The following MIPEP variants were observed in gnomAD, a reference collection of about 807,000 sequenced individuals.
MIPEP encodes mitochondrial intermediate peptidase.
Under a neutral mutation model 90.3 loss-of-function variants are expected in MIPEP, and 79 were observed. The ratio of observed to expected loss-of-function variants is 0.87; its 90% confidence interval spans 0.73 to 1.05. The LOEUF (loss-of-function observed/expected upper bound fraction) is 1.05. Ranked by LOEUF, MIPEP falls within the 50% of genes least tolerant of loss-of-function variation. The pLI, the probability that MIPEP is intolerant of heterozygous loss-of-function variation, is 0.00. For missense variants in MIPEP, 940 were observed against 905.6 expected (o/e 1.04, Z -0.49); for synonymous variants, 334 against 315.8 (o/e 1.06, Z -0.61).
intron 8 of MIPEP, among the ~76,000 whole-genome samples, chr13:23,863,172 GAA>G (rs761501422): frequency 1.3e-4 from 20 of 152,178 alleles, no homozygotes; most frequent in Non-Finnish European, 2.8e-4. Context: ...CATTACAAGA[GAA>G]AAAGAGAAAA....
chr13:23,780,496 G>T (rs1016699855), intron 16 of MIPEP, among the ~76,000 whole-genome samples: 14 of 152,158 alleles, frequency 9.2e-5, no homozygotes, highest in African/African-American at 3.1e-4. Flanking sequence ...AAACCACAAA[G>T]ATGAGGAAAA....
At chr13:23,785,246 C>T (rs1952825774) in intron 16 of MIPEP, among the ~76,000 whole-genome samples, 1 of 152,162 alleles carries the variant, frequency 6.6e-6, no homozygotes, top group East Asian at 1.9e-4. Flanking sequence ...ACCCAAATGT[C>T]CAACAATGAT....
rs758629053 is a variant in MIPEP, at chr13:23,760,125, C to T, written c.1941G>A (p.Lys647=). The change falls in exon 17 of 19, where the codon AAG becomes AAA. Residue 647 remains lysine (K), a synonymous_variant. Coordinates refer to ENST00000382172, the MANE Select transcript of MIPEP (RefSeq NM_005932.4). ...TGAAAGGATCCTGTAGAAAACACTC[C>T]TTCCAAACCATGGAGGCGACCGCTC... ...MSRAVASMVW[K]ECFLQDPFNR... is the part of the protein sequence containing the mutation. The T allele has an allele frequency of 1.9e-6, 3 of 1,614,160 alleles. No individual in the cohort carries two copies. In the South Asian group the frequency reaches 3.3e-5, roughly 18 times the overall value.
chr13:23,875,880 T>G (rs879388621), intron 4 of MIPEP, among the ~76,000 whole-genome samples: 1 of 152,184 alleles, frequency 6.6e-6, no homozygotes, highest in Admixed American at 6.5e-5. Flanking sequence ...TGTATATACT[T>G]TTGTATCTTG....
At chr13:23,749,307 T>C (rs1000823929) in intron 18 of MIPEP, among the ~76,000 whole-genome samples, 10 of 152,164 alleles carry the variant, frequency 6.6e-5, no homozygotes, top group Non-Finnish European at 1.0e-4. Context: ...ATAACACCAA[T>C]AGCAAAGCCT....
intron 7 of MIPEP, among the ~76,000 whole-genome samples, chr13:23,865,219 T>C (rs1870480378): frequency 6.6e-6 from 1 of 152,234 alleles, no homozygotes; most frequent in Non-Finnish European, 1.5e-5. Flanking sequence ...GTACAGAGCT[T>C]TCATATGTAT....
intron 9 of MIPEP, among the ~76,000 whole-genome samples, chr13:23,859,515 C>A (rs1870197094): frequency 6.6e-6 from 1 of 152,110 alleles, no homozygotes; most frequent in Non-Finnish European, 1.5e-5. Context: ...TTCTAGGTGT[C>A]CAGGTGGACA....
intron 7 of MIPEP, among the ~76,000 whole-genome samples, chr13:23,864,494 G>A (rs868844362): frequency 6.6e-6 from 1 of 152,210 alleles, no homozygotes; most frequent in Middle Eastern, 3.4e-3. Flanking sequence ...TACTTTGGGA[G>A]GCTGAGGGCA....
chr13:23,810,057 T>C (rs1953155073), intron 14 of MIPEP, 133 bp from the exon 15 acceptor site: 1 of 518,290 alleles, frequency 1.9e-6, no homozygotes, highest in African/African-American at 2.0e-5. Context: ...TTAAAAATAA[T>C]AACTTTAAAT....
intron 4 of MIPEP, 98 bp from the exon 5 acceptor site, chr13:23,875,007 A>G: frequency 3.5e-6 from 3 of 866,854 alleles, no homozygotes; most frequent in Non-Finnish European, 5.2e-6. Flanking sequence ...TTTCAGCCTC[A>G]CTGCCAAAAG....
intron 1 of MIPEP, among the ~76,000 whole-genome samples, chr13:23,886,980 A>C (rs766634987): frequency 6.6e-6 from 1 of 152,170 alleles, no homozygotes; most frequent in Non-Finnish European, 1.5e-5. Flanking sequence ...GAATGACGAT[A>C]CATACCTTAC....
intron 4 of MIPEP, among the ~76,000 whole-genome samples, chr13:23,876,564 A>C (rs891856465): frequency 1.3e-5 from 2 of 151,496 alleles, no homozygotes; most frequent in African/African-American, 4.8e-5. Context: ...TCACAAACAG[A>C]ATCTTTTGCC....
intron 10 of MIPEP, among the ~76,000 whole-genome samples, chr13:23,850,938 A>G (rs947842413): frequency 6.6e-6 from 1 of 152,214 alleles, no homozygotes; most frequent in African/African-American, 2.4e-5. Context: ...AGGAATGAAA[A>G]CCTAGTGAGA....
intron 16 of MIPEP, among the ~76,000 whole-genome samples, chr13:23,800,724 A>G (rs1299230675): frequency 4.6e-5 from 7 of 152,240 alleles, no homozygotes; most frequent in Non-Finnish European, 1.0e-4. Context: ...CCTATTAAAT[A>G]GTTACAGTCA....
At chr13:23,740,833 G>A (rs1952319676) in intron 18 of MIPEP, among the ~76,000 whole-genome samples, 1 of 152,234 alleles carries the variant, frequency 6.6e-6, no homozygotes, top group Non-Finnish European at 1.5e-5. Flanking sequence ...GATGCACAGA[G>A]GGACTGCCCT....
chr13:23,848,995 G>A (rs989631869), intron 10 of MIPEP, among the ~76,000 whole-genome samples: 1 of 152,176 alleles, frequency 6.6e-6, no homozygotes, highest in African/African-American at 2.4e-5. Flanking sequence ...CAGTCAGGAG[G>A]GCGTGACTGC....
chr13:23,876,408 C>T (rs187925316), intron 4 of MIPEP, among the ~76,000 whole-genome samples: 15 of 152,218 alleles, frequency 9.9e-5, no homozygotes, highest in African/African-American at 3.6e-4. Flanking sequence ...TTTAGTGAGC[C>T]CTGAAGCCAA....
chr13:23,835,736 G>A (rs1406968062), intron 14 of MIPEP, among the ~76,000 whole-genome samples: 2 of 152,168 alleles, frequency 1.3e-5, no homozygotes, highest in Non-Finnish European at 2.9e-5. Flanking sequence ...ATATTAGAAT[G>A]CATCATTGAA....
At chr13:23,818,766 A>G (rs1953272541) in intron 14 of MIPEP, among the ~76,000 whole-genome samples, 1 of 152,230 alleles carries the variant, frequency 6.6e-6, no homozygotes, top group East Asian at 1.9e-4. Flanking sequence ...TTCATTATGT[A>G]TGGAGAAATC....
Sources: allele counts gnomAD v4.1 joint callset (sites outside exome capture counted in the v4.1 genomes callset), GRCh38; gene constraint gnomAD v4.1.1; transcripts MANE v1.5; gene names NCBI Gene and HGNC (gene_info 2026-07-23, HGNC 2026-07-21).